ALK: variants seen among roughly 807,000 people sequenced by gnomAD.
ALK encodes ALK tyrosine kinase receptor.
In ALK, 74 loss-of-function variants were observed where a neutral mutation model predicts 163.1. The ratio of observed to expected loss-of-function variants is 0.45; its 90% CI spans 0.38 to 0.55. The LOEUF (loss-of-function observed/expected upper bound fraction) is 0.55, where lower values mean the gene tolerates loss of function less well. ALK is among the 20% of genes least tolerant of loss of function. ALK has a pLI of 0.00. For synonymous variants in ALK, 960 were observed against 843.2 expected (o/e 1.14, Z -2.40); for missense variants, 2,063 against 2,105.3 (o/e 0.98, Z 0.39).
At chr2:29,811,206 T>G (rs1664749631) in intron 1 of ALK, among the ~76,000 whole-genome samples, 1 of 143,318 alleles carries the variant, frequency 7.0e-6, no homozygotes, top group African/African-American at 2.6e-5. Context: ...GCAGGGGACG[T>G]GAAGCGGGAG....
chr2:29,792,807 C>T (rs1307265391), intron 1 of ALK, among the ~76,000 whole-genome samples: 2 of 151,868 alleles, frequency 1.3e-5, no homozygotes, highest in African/African-American at 4.8e-5. Flanking sequence ...AAAAAATATA[C>T]ACATCTTAAT....
At chr2:29,453,019 T>C (rs1670861206) in intron 4 of ALK, among the ~76,000 whole-genome samples, 2 of 152,326 alleles carry the variant, frequency 1.3e-5, no homozygotes, top group South Asian at 2.1e-4. Context: ...GGAAACGGGA[T>C]TGGCTCCTGA....
At position 29,855,251 on chromosome 2, in the gene ALK, AT is replaced by A. The variant is rs1205552398; in HGVS notation, c.667+64741del. On this transcript the variant is annotated intron_variant, in intron 1 of 28. Transcript: ENST00000389048. ...GCCTCCCTATGGCAATATTATTATT[AT>A]TTTTTCCTTTCTATAGTTGGATACA... is the stretch of plus-strand genomic sequence containing the variant. Among the ~76,000 whole-genome samples the A allele has an allele frequency of 3.9e-5, 6 of 152,256 alleles. No homozygotes were observed. In the East Asian group the frequency reaches 1.2e-3, roughly 29 times the overall value.
At chr2:29,501,804 T>C (rs1397115971) in intron 4 of ALK, among the ~76,000 whole-genome samples, 1 of 152,230 alleles carries the variant, frequency 6.6e-6, no homozygotes, top group African/African-American at 2.4e-5. Context: ...AGAACATTTC[T>C]CGTTTTGCAA....
Position 29,616,955 on chromosome 2 carries a change from C to G in ALK, c.952+77895G>C, listed in dbSNP as rs146697116. 2.6e-5 allele frequency among the ~76,000 whole-genome samples: 4 copies of G among 152,278 alleles called. No individual in the cohort carries two copies. In the East Asian group the frequency reaches 7.7e-4, roughly 29 times the overall value. On this transcript the variant is annotated intron_variant, in intron 3 of 28. Transcript: ENST00000389048. ...GTCCATTGTGCATGTGCTTGACCCA[C>G]CTCATAAATTTGTATGGCCTTCCTC...
chr2:29,631,182 A>G (rs954612678), intron 3 of ALK, among the ~76,000 whole-genome samples: 2 of 152,250 alleles, frequency 1.3e-5, no homozygotes, highest in Non-Finnish European at 2.9e-5. Context: ...GCTCATTTTC[A>G]TTTGAGAAAA....
chr2:29,489,652 C>A (rs1417801819), intron 4 of ALK, among the ~76,000 whole-genome samples: 7 of 152,292 alleles, frequency 4.6e-5, no homozygotes, highest in East Asian at 1.9e-4. Context: ...AATAGCAAAG[C>A]ATGAAAAATG....
At chr2:29,850,624 A>G (rs1199186902) in intron 1 of ALK, among the ~76,000 whole-genome samples, 1 of 152,144 alleles carries the variant, frequency 6.6e-6, no homozygotes, top group Non-Finnish European at 1.5e-5. Context: ...CCTCAAGGAT[A>G]GCTTCATTTG....
intron 23 of ALK, among the ~76,000 whole-genome samples, chr2:29,215,581 G>A (rs1014874816): frequency 1.3e-5 from 2 of 152,194 alleles, no homozygotes; most frequent in Admixed American, 1.3e-4. Flanking sequence ...CAGCTAATAA[G>A]CGTGGAGCCA....
intron 2 of ALK, among the ~76,000 whole-genome samples, chr2:29,702,215 C>T (rs1678762733): frequency 2.0e-5 from 3 of 151,342 alleles, no homozygotes; most frequent in African/African-American, 7.3e-5. Flanking sequence ...GGAGGCTGTG[C>T]TGAAAAAAAA....
intron 1 of ALK, among the ~76,000 whole-genome samples, chr2:29,811,640 C>T (rs149998921): frequency 2.4e-4 from 36 of 152,262 alleles, no homozygotes; most frequent in African/African-American, 8.4e-4. Context: ...AGGCATGACT[C>T]TAAAGCACAA....
chr2:29,817,093 G>C (rs1664918340), intron 1 of ALK, among the ~76,000 whole-genome samples: 1 of 152,130 alleles, frequency 6.6e-6, no homozygotes, highest in Non-Finnish European at 1.5e-5. Flanking sequence ...GGGAGCTTCA[G>C]TAGTAACCTG....
intron 1 of ALK, among the ~76,000 whole-genome samples, chr2:29,799,407 C>T (rs1359947221): frequency 1.3e-5 from 2 of 152,140 alleles, no homozygotes; most frequent in African/African-American, 2.4e-5. Flanking sequence ...TGGCTCACAC[C>T]TATAATCTCA....
intron 4 of ALK, among the ~76,000 whole-genome samples, chr2:29,471,069 G>C (rs1037546100): frequency 6.6e-6 from 1 of 151,976 alleles, no homozygotes; most frequent in African/African-American, 2.4e-5. Context: ...TATTTTAATG[G>C]AATACACAAT....
At chr2:29,731,391 T>A (rs1431082918) in intron 1 of ALK, among the ~76,000 whole-genome samples, 1 of 152,192 alleles carries the variant, frequency 6.6e-6, no homozygotes, top group Non-Finnish European at 1.5e-5. Flanking sequence ...GCAGAAGCCT[T>A]CCAAGGTTTG....
chr2:29,228,153 G>T (rs186244390), intron 16 of ALK, among the ~76,000 whole-genome samples: 1 of 152,170 alleles, frequency 6.6e-6, no homozygotes, highest in East Asian at 1.9e-4. Context: ...CTATCTTTGG[G>T]CTCCCCCCTC....
chr2:29,750,672 GAA>G (rs1680334404), intron 1 of ALK, among the ~76,000 whole-genome samples: 1 of 135,882 alleles, frequency 7.4e-6, no homozygotes, highest in Non-Finnish European at 1.6e-5. Flanking sequence ...AGGAAGGAAG[GAA>G]GGAAGGAAGG....
At chr2:29,376,717 C>T (rs1322351254) in intron 5 of ALK, among the ~76,000 whole-genome samples, 1 of 152,180 alleles carries the variant, frequency 6.6e-6, no homozygotes, top group East Asian at 1.9e-4. Flanking sequence ...AGAGAAAATG[C>T]CCAGTTTGGG....
intron 5 of ALK, among the ~76,000 whole-genome samples, chr2:29,355,914 G>T (rs759455163): frequency 6.6e-6 from 1 of 152,120 alleles, no homozygotes; most frequent in African/African-American, 2.4e-5. Context: ...AGAGTAGCAC[G>T]CTGGAGCCAA....
Sources: allele counts gnomAD v4.1 joint callset (sites outside exome capture counted in the v4.1 genomes callset), GRCh38; gene constraint gnomAD v4.1.1; transcripts MANE v1.5; gene names NCBI Gene and HGNC (gene_info 2026-07-23, HGNC 2026-07-21).